Variants in SSBP3 observed in about 807,000 individuals in gnomAD.
The protein encoded by SSBP3 is single-stranded DNA-binding protein 3.
In SSBP3, 5 loss-of-function variants were observed where a neutral mutation model predicts 69.6. That is an observed-to-expected ratio of 0.07 (90% CI 0.04 to 0.15). SSBP3 has a LOEUF of 0.15. SSBP3 is among the 10% of genes least tolerant of loss of function. SSBP3 has a pLI of 1.00. For missense variants in SSBP3, 312 were observed against 534.0 expected (o/e 0.58, Z 4.10); for synonymous variants, 196 against 193.4 (o/e 1.01, Z -0.11).
At chr1:54,263,371 G>A (rs1031528473) in intron 5 of SSBP3, among the ~76,000 whole-genome samples, 1 of 152,184 alleles carries the variant, frequency 6.6e-6, no homozygotes, top group African/African-American at 2.4e-5. Context: ...CATTATGCGG[G>A]CCTGGGATCC....
At chr1:54,409,331 G>A (rs1649929040), upstream of SSBP3, among the ~76,000 whole-genome samples, 1 of 151,886 alleles carries the variant, frequency 6.6e-6, no homozygotes, top group Non-Finnish European at 1.5e-5. Context: ...ATCTCGTTTT[G>A]CTGGCACCAT....
chr1:54,316,686 A>C (rs1646116471), intron 4 of SSBP3, among the ~76,000 whole-genome samples: 2 of 131,504 alleles, frequency 1.5e-5, no homozygotes, highest in Non-Finnish European at 3.1e-5. Context: ...ATAAATAAAT[A>C]AATAAATAAA....
chr1:54,338,917 C>A (rs1029743830), intron 4 of SSBP3, among the ~76,000 whole-genome samples: 1 of 152,320 alleles, frequency 6.6e-6, no homozygotes, highest in Non-Finnish European at 1.5e-5. Context: ...CAGATCATGA[C>A]GACGGTGCAA....
intron 4 of SSBP3, among the ~76,000 whole-genome samples, chr1:54,395,010 C>CT (rs772634375): frequency 0.1 from 14,790 of 144,802 alleles, 1,079 homozygotes; most frequent in Admixed American, 0.26. Flanking sequence ...GCTAAGACTC[C>CT]TTTTTTTTTT....
At chr1:54,256,258 G>A (rs1644919851) in intron 7 of SSBP3, among the ~76,000 whole-genome samples, 1 of 152,306 alleles carries the variant, frequency 6.6e-6, no homozygotes, top group Non-Finnish European at 1.5e-5. Flanking sequence ...ATGTGCTGGC[G>A]CTTCTGTCAG....
At chr1:54,301,612 G>T (rs1194013437) in intron 4 of SSBP3, among the ~76,000 whole-genome samples, 1 of 152,206 alleles carries the variant, frequency 6.6e-6, no homozygotes, top group African/African-American at 2.4e-5. Context: ...CTGAAGAGGC[G>T]CTCAGGCCAG....
At chr1:54,254,572 C>G (rs1188750847) in intron 7 of SSBP3, among the ~76,000 whole-genome samples, 3 of 152,222 alleles carry the variant, frequency 2.0e-5, no homozygotes, top group Non-Finnish European at 2.9e-5. Context: ...CTTTTCACTC[C>G]CCTCACCCAA....
intron 4 of SSBP3, among the ~76,000 whole-genome samples, chr1:54,333,354 T>C (rs962290317): frequency 3.3e-5 from 5 of 152,166 alleles, no homozygotes; most frequent in Non-Finnish European, 5.9e-5. Flanking sequence ...TATACAGCCA[T>C]GCTCAGGCTG....
chr1:54,326,201 G>T (rs931024790), intron 4 of SSBP3: 1 of 152,280 alleles, frequency 6.6e-6, no homozygotes, highest in African/African-American at 2.4e-5. Context: ...TGAACAGCCA[G>T]TCCCATCTCT....
At chr1:54,406,849 C>T (rs996446446), upstream of SSBP3, among the ~76,000 whole-genome samples, 1 of 151,768 alleles carries the variant, frequency 6.6e-6, no homozygotes, top group Non-Finnish European at 1.5e-5. Context: ...CTCAGCTCCC[C>T]CCCGCCGCGG....
intron 4 of SSBP3, among the ~76,000 whole-genome samples, chr1:54,393,704 T>G (rs958652444): frequency 6.6e-6 from 1 of 152,248 alleles, no homozygotes; most frequent in East Asian, 1.9e-4. Context: ...TAGGCACTAT[T>G]ATATATTGTG....
intron 4 of SSBP3, among the ~76,000 whole-genome samples, chr1:54,292,513 C>G (rs1245344616): frequency 6.6e-6 from 1 of 152,136 alleles, no homozygotes; most frequent in East Asian, 1.9e-4. Context: ...ATGTCAGTTC[C>G]CCCAAGAACA....
Position 54,345,648 on chromosome 1 carries a change from C to T in SSBP3, c.276+56213G>A, listed in dbSNP as rs544641637. Reference sequence around the variant, plus strand: ...TCCACAGAAGTAACTAGCGTCTCACCCCAAACGCCAAGCAAAGTCTCTGTG... The same window carrying T: ...TCCACAGAAGTAACTAGCGTCTCACTCCAAACGCCAAGCAAAGTCTCTGTG... On this transcript the variant is annotated intron_variant, in intron 4 of 17. Transcript: ENST00000610401. Among the ~76,000 whole-genome samples, 12 of 152,304 alleles carry T rather than the reference C, an allele frequency of 7.9e-5. No homozygotes were observed. The South Asian group carries it at 2.3e-3, about 29-fold the overall frequency.
At chr1:54,268,354 CA>C (rs1645137599) in intron 5 of SSBP3, among the ~76,000 whole-genome samples, 1 of 152,282 alleles carries the variant, frequency 6.6e-6, no homozygotes, top group African/African-American at 2.4e-5. Flanking sequence ...ATCATGACAA[CA>C]CAGCGAAGGT....
At chr1:54,340,428 C>CA (rs1321186488) in intron 4 of SSBP3, among the ~76,000 whole-genome samples, 2 of 152,210 alleles carry the variant, frequency 1.3e-5, no homozygotes, top group East Asian at 3.8e-4. Context: ...TGAGCAGCTT[C>CA]AAGCCCACCC....
At chr1:54,334,763 T>C (rs980077056) in intron 4 of SSBP3, among the ~76,000 whole-genome samples, 1 of 152,242 alleles carries the variant, frequency 6.6e-6, no homozygotes, top group Non-Finnish European at 1.5e-5. Flanking sequence ...AGTGAGCCTG[T>C]ATTACTCTCT....
Position 54,228,831 on chromosome 1 carries a change from G to A in SSBP3, c.928-5C>T. The A allele has an allele frequency of 6.2e-7, 1 of 1,611,452 alleles. No individual in the cohort carries two copies. Among genetic ancestry groups the A allele is most frequent in the Non-Finnish European group, 8.5e-7 (1 of 1,179,452 alleles). ...CGAGCCGGGACCCATCGGGAACTGG[G>A]GAAGAAGCACAGGGCATGGCAGCTC... On this transcript the variant is annotated splice_region_variant and splice_polypyrimidine_tract_variant and intron_variant, in intron 14 of 17. Coordinates refer to ENST00000610401, the Ensembl canonical transcript of SSBP3.
chr1:54,234,668 T>G (rs75192904), intron 14 of SSBP3, among the ~76,000 whole-genome samples: 1,699 of 152,320 alleles, frequency 0.011, 33 homozygotes, highest in African/African-American at 0.039. Context: ...TGTTTCTTTC[T>G]GCCCTAGGAT....
intron 5 of SSBP3, among the ~76,000 whole-genome samples, chr1:54,271,400 C>G (rs773518503): frequency 3.3e-5 from 5 of 152,184 alleles, no homozygotes; most frequent in Non-Finnish European, 5.9e-5. Context: ...TGAGCCACCA[C>G]GTGTGGCCTG....
Sources: allele counts gnomAD v4.1 joint callset (sites outside exome capture counted in the v4.1 genomes callset), GRCh38; gene constraint gnomAD v4.1.1; transcripts MANE v1.5; gene names NCBI Gene and HGNC (gene_info 2026-07-23, HGNC 2026-07-21).